Variants in EYA4 observed in about 807,000 individuals in gnomAD.
The protein encoded by EYA4 is protein phosphatase EYA4.
In EYA4, 31 loss-of-function variants were observed where a neutral mutation model predicts 87.9. The observed-to-expected ratio is 0.35, with a 90% CI of 0.27 to 0.48. EYA4 has a LOEUF of 0.48. Ranked by LOEUF, EYA4 falls within the 20% of genes least tolerant of loss-of-function variation. The pLI, the probability that EYA4 is intolerant of heterozygous loss-of-function variation, is 0.99. For missense variants in EYA4, 678 were observed against 761.4 expected, an observed-to-expected ratio of 0.89 and a Z score of 1.29; for synonymous variants, 263 against 270.6, an observed-to-expected ratio of 0.97 and a Z score of 0.28.
At chr6:133,287,312 G>T (rs1469361828) in intron 2 of EYA4, among the ~76,000 whole-genome samples, 1 of 152,186 alleles carries the variant, frequency 6.6e-6, no homozygotes, top group African/African-American at 2.4e-5. Flanking sequence ...AGGAATTATA[G>T]ATAGACTAGG....
rs1562368948 is a variant in EYA4, at chr6:133,394,282, G to GTATTTTTTTTTTTTTTTT, written c.83+11842_83+11843insATTTTTTTTTTTTTTTTT. Among the ~76,000 whole-genome samples the GTATTTTTTTTTTTTTTTT allele has an allele frequency of 4.6e-5, 5 of 107,846 alleles. 2 individuals are homozygous for GTATTTTTTTTTTTTTTTT. Among genetic ancestry groups the GTATTTTTTTTTTTTTTTT allele is most frequent in the Non-Finnish European group, 5.1e-5 (3 of 58,892 alleles). 70.8% of individuals were successfully genotyped at this position (107,846 alleles called of 152,430 possible). On this transcript the variant is annotated intron_variant, in intron 3 of 19. Coordinates refer to ENST00000355286, the MANE Select transcript of EYA4 (RefSeq NM_004100.5). ...GTTGGAAAAATGTATATATAAGCTT[G>GTATTTTTTTTTTTTTTTT]TGTTTTTTTTTTTTTTTTTTTTTTT... is the stretch of plus-strand genomic sequence containing the variant.
At chr6:133,413,227 A>C (rs1195397931) in intron 3 of EYA4, among the ~76,000 whole-genome samples, 1 of 152,090 alleles carries the variant, frequency 6.6e-6, no homozygotes, top group East Asian at 1.9e-4. Flanking sequence ...TTATTTAAAA[A>C]CTTCTCCACT....
intron 1 of EYA4, among the ~76,000 whole-genome samples, chr6:133,254,802 A>G (rs199597646): frequency 6.6e-6 from 1 of 152,200 alleles, no homozygotes; most frequent in East Asian, 1.9e-4. Context: ...GAGATGTTGT[A>G]TTATGTGACC....
Position 133,462,374 on chromosome 6 carries a change from A to G in EYA4, c.477A>G (p.Thr159=), listed in dbSNP as rs1794473268. ...TTCTTTCTACACCAGCAGCTCAAAC[A>G]ATGTCTGCCTATGCAGGCCAGACTC... The part of the protein sequence containing the change: ...PHILSTPAAQ[T]MSAYAGQTQY... The change falls in exon 8 of 20, where the codon ACA becomes ACG. Residue 159 remains threonine (T), a synonymous_variant. Transcript: ENST00000355286. 4 of 1,614,066 alleles carry G rather than the reference A, an allele frequency of 2.5e-6. No homozygotes were observed. The South Asian group carries it at 4.4e-5, about 18-fold the overall frequency.
intron 5 of EYA4, among the ~76,000 whole-genome samples, chr6:133,453,950 C>A (rs1278437351): frequency 3.3e-5 from 5 of 151,812 alleles, no homozygotes; most frequent in Non-Finnish European, 5.9e-5. Context: ...TGAATTAGAC[C>A]AAAAACTCAC....
chr6:133,370,220 G>C (rs902247663), intron 2 of EYA4, among the ~76,000 whole-genome samples: 1 of 152,092 alleles, frequency 6.6e-6, no homozygotes, highest in Non-Finnish European at 1.5e-5. Flanking sequence ...TCACACACAC[G>C]CACTACAGAA....
At position 133,454,161 on chromosome 6, in the gene EYA4, T is replaced by C. The variant is rs138190781; in HGVS notation, c.278-2395T>C. 2.6e-3 allele frequency among the ~76,000 whole-genome samples: 399 copies of C among 152,298 alleles called. 2 individuals carry two copies. The highest frequency in any genetic ancestry group is 0.017 in the Middle Eastern group (5 of 294). ...CACCTCCATTCGCAAGTAAAATCTA[T>C]ATTACAATTAGTATAATAAAGCTAC... is the stretch of plus-strand genomic sequence containing the variant. On this transcript the variant is annotated intron_variant, in intron 5 of 19. Transcript: ENST00000355286.
chr6:133,428,911 CTTTTTTTTTTTT>C (rs58727159), intron 3 of EYA4, among the ~76,000 whole-genome samples: 1,583 of 48,254 alleles, frequency 0.033, 22 homozygotes, highest in Admixed American at 0.049. Flanking sequence ...GATTTAGCTT[CTTTTTTTTTTTT>C]TTTTTTTTTT....
At chr6:133,301,270 G>A (rs554546910) in intron 2 of EYA4, among the ~76,000 whole-genome samples, 20 of 152,308 alleles carry the variant, frequency 1.3e-4, no homozygotes, top group African/African-American at 4.8e-4. Flanking sequence ...AGGAAAACCT[G>A]ATGAATGGAT....
chr6:133,274,088 A>G (rs1437068644), intron 1 of EYA4, among the ~76,000 whole-genome samples: 2 of 152,122 alleles, frequency 1.3e-5, no homozygotes, highest in Non-Finnish European at 2.9e-5. Flanking sequence ...AAATATTTTA[A>G]TGTATGGTAT....
intron 1 of EYA4, among the ~76,000 whole-genome samples, chr6:133,264,315 G>A (rs1776033176): frequency 6.6e-6 from 1 of 152,250 alleles, no homozygotes; most frequent in African/African-American, 2.4e-5. Context: ...CTGCAGGTAG[G>A]ACTGATTAAA....
At chr6:133,439,182 C>T (rs1452324566) in intron 3 of EYA4, 2 of 150,860 alleles carry the variant, frequency 1.3e-5, no homozygotes, top group African/African-American at 4.9e-5. Flanking sequence ...CTACTTGGTA[C>T]TGTTTTTGAG....
rs535958874 is a variant in EYA4, at chr6:133,458,187, C to T, written c.370+1539C>T. Reference sequence around the variant, plus strand: ...AAATTTTTAAAGAAGTATCTAGGGACGTGCTGTCCAGTAAGGTAGCCACCA... The same window carrying T: ...AAATTTTTAAAGAAGTATCTAGGGATGTGCTGTCCAGTAAGGTAGCCACCA... On this transcript the variant is annotated intron_variant, in intron 6 of 19. Coordinates refer to ENST00000355286, the MANE Select transcript of EYA4 (RefSeq NM_004100.5). Among the ~76,000 whole-genome samples, 425 of 152,134 alleles carry T rather than the reference C, an allele frequency of 2.8e-3. 3 individuals are homozygous for T. The highest frequency in any genetic ancestry group is 9.9e-3 in the African/African-American group (411 of 41,500).
intron 1 of EYA4, among the ~76,000 whole-genome samples, chr6:133,249,944 C>T (rs1201442363): frequency 1.3e-5 from 2 of 152,172 alleles, no homozygotes; most frequent in African/African-American, 2.4e-5. Context: ...ATTTCTGTAT[C>T]GCTAATGCAC....
intron 1 of EYA4, among the ~76,000 whole-genome samples, chr6:133,250,364 G>A (rs969207967): frequency 6.6e-6 from 1 of 152,100 alleles, no homozygotes; most frequent in Non-Finnish European, 1.5e-5. Flanking sequence ...TATGGGGGCT[G>A]GGCGCGGTGG....
At chr6:133,519,393 A>G (rs1423301995) in intron 17 of EYA4, among the ~76,000 whole-genome samples, 2 of 150,034 alleles carry the variant, frequency 1.3e-5, no homozygotes. Context: ...TAGAAAATCT[A>G]GAAGAAATGG....
intron 2 of EYA4, among the ~76,000 whole-genome samples, chr6:133,306,419 C>A (rs1340987016): frequency 6.6e-6 from 1 of 152,170 alleles, no homozygotes; most frequent in Non-Finnish European, 1.5e-5. Flanking sequence ...AGAGCCAGTA[C>A]TGTAATCTGT....
chr6:133,511,266 T>G (rs1218561390), intron 14 of EYA4, among the ~76,000 whole-genome samples: 2 of 152,098 alleles, frequency 1.3e-5, no homozygotes, highest in Non-Finnish European at 2.9e-5. Flanking sequence ...TGAATATAAA[T>G]AGTAGCTTTC....
chr6:133,352,399 A>G (rs964853693), intron 2 of EYA4, among the ~76,000 whole-genome samples: 1 of 152,190 alleles, frequency 6.6e-6, no homozygotes, highest in African/African-American at 2.4e-5. Context: ...GTAAACAATG[A>G]AACAACATGG....
Sources: allele counts gnomAD v4.1 joint callset (sites outside exome capture counted in the v4.1 genomes callset), GRCh38; gene constraint gnomAD v4.1.1; transcripts MANE v1.5; gene names NCBI Gene and HGNC (gene_info 2026-07-23, HGNC 2026-07-21).